The following RMDN2 variants were observed in gnomAD, a reference collection of about 807,000 sequenced individuals.
RMDN2 encodes the protein regulator of microtubule dynamics protein 2.
A neutral mutation model predicts 52.8 loss-of-function variants in RMDN2; 61 were observed. The observed-to-expected ratio is 1.16, with a 90% CI of 0.94 to 1.43. The LOEUF (loss-of-function observed/expected upper bound fraction) is 1.43, where lower values mean the gene tolerates loss of function less well. Ranked by LOEUF, RMDN2 falls within the 40% of genes most tolerant of loss-of-function variation. RMDN2 has a pLI of 0.00. For synonymous variants in RMDN2, 180 were observed against 153.1 expected, an observed-to-expected ratio of 1.18 and a Z score of -1.30; for missense variants, 592 against 475.3, an observed-to-expected ratio of 1.25 and a Z score of -2.28.
upstream of RMDN2, among the ~76,000 whole-genome samples, chr2:37,921,594 T>C (rs552432940): frequency 1.3e-5 from 2 of 152,232 alleles, no homozygotes; most frequent in East Asian, 3.9e-4. Context: ...ATAACTGAAG[T>C]GGGGGATACA....
chr2:37,984,773 A>C (rs1196806039), intron 5 of RMDN2, among the ~76,000 whole-genome samples: 2 of 152,078 alleles, frequency 1.3e-5, no homozygotes, highest in Non-Finnish European at 2.9e-5. Flanking sequence ...AGTTAGAATG[A>C]CCTCTAGATG....
intron 10 of RMDN2, chr2:38,012,731 AAAG>A: frequency 2.8e-6 from 1 of 354,840 alleles, no homozygotes; most frequent in Non-Finnish European, 5.6e-6. Context: ...CCATCTCTAT[AAAG>A]TTTTTTCAGA....
intron 10 of RMDN2, among the ~76,000 whole-genome samples, chr2:38,023,415 AT>A (rs1359052121): frequency 6.6e-6 from 1 of 152,240 alleles, no homozygotes; most frequent in Non-Finnish European, 1.5e-5. Flanking sequence ...GAAAAATCTT[AT>A]ATTTGTATTT....
chr2:37,983,276 T>C (rs1673570617), intron 5 of RMDN2, among the ~76,000 whole-genome samples: 1 of 152,226 alleles, frequency 6.6e-6, no homozygotes, highest in Admixed American at 6.5e-5. Flanking sequence ...ATTTGAATTT[T>C]CTCTGAGGGC....
chr2:37,981,867 A>G (rs1410829225), intron 5 of RMDN2, among the ~76,000 whole-genome samples: 1 of 151,988 alleles, frequency 6.6e-6, no homozygotes, highest in African/African-American at 2.4e-5. Context: ...GACCCTTTGT[A>G]TGTTTATGTA....
intron 10 of RMDN2, among the ~76,000 whole-genome samples, chr2:38,065,580 G>A (rs1269150471): frequency 2.0e-5 from 3 of 152,170 alleles, no homozygotes; most frequent in Admixed American, 6.6e-5. Context: ...CAAAAAGCTT[G>A]TTTCGTGCCT....
upstream of RMDN2, among the ~76,000 whole-genome samples, chr2:37,923,594 A>T (rs1001208775): frequency 2.6e-5 from 4 of 152,224 alleles, no homozygotes; most frequent in African/African-American, 7.2e-5. Flanking sequence ...GGTTTATATC[A>T]TATTGTATTC....
chr2:38,027,910 A>G (rs1229387835), intron 10 of RMDN2, among the ~76,000 whole-genome samples: 1 of 152,222 alleles, frequency 6.6e-6, no homozygotes, highest in Non-Finnish European at 1.5e-5. Flanking sequence ...CCCACCATGT[A>G]GAGTGTGGAA....
At chr2:37,999,765 C>CA (rs1264100154) in intron 8 of RMDN2, among the ~76,000 whole-genome samples, 21 of 152,078 alleles carry the variant, frequency 1.4e-4, no homozygotes, top group Admixed American at 1.3e-3. Flanking sequence ...TCCACCCCTC[C>CA]AAAGAGCGTT....
At chr2:37,934,528 T>G (rs1453194725) in intron 2 of RMDN2, among the ~76,000 whole-genome samples, 4 of 152,194 alleles carry the variant, frequency 2.6e-5, no homozygotes, top group Non-Finnish European at 5.9e-5. Flanking sequence ...ATGTTGTTAC[T>G]GATTTATTTA....
chr2:37,945,990 A>C (rs767532243), intron 2 of RMDN2, among the ~76,000 whole-genome samples: 3 of 152,206 alleles, frequency 2.0e-5, no homozygotes, highest in African/African-American at 2.4e-5. Flanking sequence ...TATAAAACTC[A>C]CCTCAATTCC....
At chr2:37,990,101 C>G (rs538896575) in intron 6 of RMDN2, among the ~76,000 whole-genome samples, 115 of 149,288 alleles carry the variant, frequency 7.7e-4, no homozygotes, top group African/African-American at 2.8e-3. Flanking sequence ...CAGGGTCACG[C>G]CACTGCACTC....
At chr2:38,062,319 C>T (rs1300888216) in intron 10 of RMDN2, among the ~76,000 whole-genome samples, 1 of 152,194 alleles carries the variant, frequency 6.6e-6, no homozygotes, top group Non-Finnish European at 1.5e-5. Flanking sequence ...TGGAATTGTG[C>T]AGTGTGTAAC....
chr2:37,988,821 G>A (rs1316669735), intron 5 of RMDN2, among the ~76,000 whole-genome samples: 2 of 152,090 alleles, frequency 1.3e-5, no homozygotes, highest in Admixed American at 1.3e-4. Flanking sequence ...AATTTTTCCA[G>A]TAAATAAGCA....
At position 37,981,282 on chromosome 2, in the gene RMDN2, G is replaced by C. The variant is rs1197618952; in HGVS notation, c.731-1G>C. 3 of 1,579,306 alleles carry C rather than the reference G, an allele frequency of 1.9e-6. No homozygotes were observed. Among genetic ancestry groups the C allele is most frequent in the Non-Finnish European group, 2.6e-6 (3 of 1,148,588 alleles). On this transcript the variant is annotated splice_acceptor_variant, in intron 4 of 10. Coordinates refer to ENST00000354545, the MANE Select transcript of RMDN2 (RefSeq NM_001170791.3). LOFTEE classifies it high-confidence loss of function. ...TAAGTGTAAGTACTTTTATCTTTCA[G>C]GAAAAACTTTAAGTGAAAGAGCTAT...
chr2:38,012,668 C>A (rs2125232001), intron 10 of RMDN2: 1 of 444,018 alleles, frequency 2.3e-6, no homozygotes, highest in Non-Finnish European at 4.6e-6. Context: ...GGTATATTTC[C>A]ATTTCTTTTT....
intron 2 of RMDN2, among the ~76,000 whole-genome samples, chr2:37,961,393 A>T (rs1203265309): frequency 5.3e-5 from 8 of 152,004 alleles, no homozygotes; most frequent in South Asian, 4.2e-4. Flanking sequence ...GTTCCTTTGC[A>T]TTCTTTTTTC....
intron 7 of RMDN2, among the ~76,000 whole-genome samples, chr2:37,993,488 T>C (rs1401952269): frequency 6.6e-6 from 1 of 151,726 alleles, no homozygotes; most frequent in Non-Finnish European, 1.5e-5. Context: ...TATGTCTGTT[T>C]CTAATCAGGT....
intron 10 of RMDN2, among the ~76,000 whole-genome samples, chr2:38,025,917 TAA>T (rs1679747800): frequency 1.3e-5 from 2 of 152,272 alleles, no homozygotes; most frequent in Admixed American, 1.3e-4. Flanking sequence ...AGTTTTCTTG[TAA>T]AGTCTTTTTC....
Sources: allele counts gnomAD v4.1 joint callset (sites outside exome capture counted in the v4.1 genomes callset), GRCh38; gene constraint gnomAD v4.1.1; transcripts MANE v1.5; gene names NCBI Gene and HGNC (gene_info 2026-07-23, HGNC 2026-07-21).